USP16: variants seen among roughly 807,000 people sequenced by gnomAD.
USP16 encodes the protein ubiquitin specific peptidase 16.
Under a neutral mutation model 95.9 loss-of-function variants are expected in USP16, and 77 were observed. That is an observed-to-expected ratio of 0.80 (90% confidence interval 0.67 to 0.97). USP16 has a LOEUF of 0.97. USP16 is among the 50% of genes least tolerant of loss of function. The pLI is 0.00. For synonymous variants in USP16, 303 were observed against 318.2 expected, an observed-to-expected ratio of 0.95 and a Z score of 0.51; for missense variants, 943 against 959.9, an observed-to-expected ratio of 0.98 and a Z score of 0.23.
intron 13 of USP16, 119 bp from the exon 14 acceptor site, chr21:29,046,548 G>A (rs2085325502): frequency 1.1e-5 from 12 of 1,056,046 alleles, no homozygotes; most frequent in Non-Finnish European, 1.6e-5. Flanking sequence ...TGATTGACAA[G>A]CAGCAAAACT....
chr21:29,052,566 T>G (rs2085432047), intron 16 of USP16: 1 of 152,126 alleles, frequency 6.6e-6, no homozygotes, highest in Non-Finnish European at 1.5e-5. Flanking sequence ...CCATGACATG[T>G]GGGAATTGTG....
Position 29,042,047 on chromosome 21 carries a change from T to G in USP16, c.1065T>G (p.Val355=). Residue 355 remains valine, a synonymous_variant, in exon 11 of 18, where the codon GTT becomes GTG. Transcript: ENST00000399976. The part of the protein sequence containing the change: ...YEKKKSMPSF[V]DRIFGGELTS... ...AGAAAAAATCAATGCCAAGTTTTGTTGACCGCATCTTTGGTGGTGAACTAA... is the reference window on the plus strand; with the variant it reads ...AGAAAAAATCAATGCCAAGTTTTGTGGACCGCATCTTTGGTGGTGAACTAA... 6.2e-7 allele frequency: 1 copy of G among 1,613,452 alleles called. No homozygotes were observed. Among genetic ancestry groups the G allele is most frequent in the Non-Finnish European group, 8.5e-7 (1 of 1,179,644 alleles).
chr21:29,037,609 CAG>C (rs1326292265), intron 6 of USP16, 146 bp downstream of exon 6: 2 of 570,286 alleles, frequency 3.5e-6, no homozygotes, highest in Non-Finnish European at 5.2e-6. Flanking sequence ...TTTTTTGAGA[CAG>C]GGTCTCACTC....
chr21:29,053,307 G>A (rs982683326), intron 16 of USP16: 1 of 154,242 alleles, frequency 6.5e-6, no homozygotes, highest in African/African-American at 2.4e-5. Context: ...AGAATAAGCA[G>A]CGTGCACTCT....
intron 16 of USP16, 71 bp downstream of exon 16, chr21:29,050,249 C>G: frequency 7.4e-7 from 1 of 1,354,030 alleles, no homozygotes. Flanking sequence ...GCTCCAGTAG[C>G]AACTCACTTA....
intron 1 of USP16, chr21:29,025,825 A>G (rs1056801556): frequency 2.4e-5 from 15 of 634,844 alleles, no homozygotes; most frequent in South Asian, 1.4e-4. Flanking sequence ...AGGACCTGCT[A>G]TGTACTAACA....
rs199697183 is a variant in USP16 at position 29,053,942 on chromosome 21, C to T, written c.2334C>T (p.His778=). 35 of 1,614,184 alleles carry T rather than the reference C, an allele frequency of 2.2e-5. No individual in the cohort carries two copies. The highest frequency in any genetic ancestry group is 6.7e-5 in the East Asian group (3 of 44,888). Residue 778 remains histidine (H), a synonymous_variant, in exon 17 of 18, where the codon CAC becomes CAT. Coordinates refer to ENST00000399976, the MANE Select transcript of USP16 (RefSeq NM_006447.3). ...GTCATCTCTCTAATCTTGTTCTTCA[C>T]GGTGATATTCCACAAGGTAAGATGT... The part of the protein sequence containing the change: ...ANSHLSNLVL[H]GDIPQDFEME...
chr21:29,039,415 T>C lies in USP16; in HGVS notation c.864-66T>C, dbSNP rs1480349577. ...AGATTTGGGATATGATCCTAAGATT[T>C]TCTAAAAATAGCTTCAGAGCTTAGT... On this transcript the variant is annotated intron_variant, in intron 8 of 17. Coordinates refer to ENST00000399976, the MANE Select transcript of USP16 (RefSeq NM_006447.3). 5.9e-6 allele frequency: 9 copies of C among 1,532,404 alleles called. No individual in the cohort carries two copies. The African/African-American group carries it at 1.1e-4, about 19-fold the overall frequency. The allele number at this position is 1,532,404 out of a possible 1,614,324, so 94.9% of individuals were successfully genotyped here.
At chr21:29,030,416 C>T (rs2085060417) in intron 2 of USP16, among the ~76,000 whole-genome samples, 179 bp from the exon 3 acceptor site, 1 of 152,202 alleles carries the variant, frequency 6.6e-6, no homozygotes, top group African/African-American at 2.4e-5. Context: ...TGTCAAATCT[C>T]TTTCTCACAT....
rs1017273108 is a variant in USP16 at position 29,045,875 on chromosome 21, G to A, written c.1357-792G>A. On this transcript the variant is annotated intron_variant, in intron 13 of 17. Coordinates refer to ENST00000399976, the MANE Select transcript of USP16 (RefSeq NM_006447.3). ...GGCTGGAGTGCAGTGGTGTGGTCTCGGCTCACTGCAACCCCCACCTTCCAT... is the reference window on the plus strand; with the variant it reads ...GGCTGGAGTGCAGTGGTGTGGTCTCAGCTCACTGCAACCCCCACCTTCCAT... Among the ~76,000 whole-genome samples the A allele has an allele frequency of 8.6e-5, 13 of 151,662 alleles. 1 individual carries two copies. The highest frequency in any genetic ancestry group is 3.4e-3 in the Middle Eastern group (1 of 294).
chr21:29,032,666 G>A (rs915819725), intron 3 of USP16, among the ~76,000 whole-genome samples: 6 of 152,076 alleles, frequency 3.9e-5, no homozygotes, highest in South Asian at 4.1e-4. Context: ...TTTACCTGTC[G>A]AATGACAACA....
chr21:29,051,102 G>A (rs2085406663), intron 16 of USP16, among the ~76,000 whole-genome samples: 2 of 152,158 alleles, frequency 1.3e-5, no homozygotes, highest in African/African-American at 2.4e-5. Context: ...ATAAGTGGAT[G>A]CTGAGGGTGG....
At chr21:29,031,895 C>T (rs2085082466) in intron 3 of USP16, among the ~76,000 whole-genome samples, 2 of 152,286 alleles carry the variant, frequency 1.3e-5, no homozygotes, top group Middle Eastern at 3.4e-3. Flanking sequence ...ATATCACAAC[C>T]AGGATATTGA....
chr21:29,045,421 G>A (rs544367409), intron 13 of USP16, among the ~76,000 whole-genome samples: 48 of 152,256 alleles, frequency 3.2e-4, no homozygotes, highest in African/African-American at 1.1e-3. Flanking sequence ...ATTTTAAAGG[G>A]AAAAGTTCTT....
chr21:29,048,279 C>T (rs895845125), intron 14 of USP16, among the ~76,000 whole-genome samples: 1 of 152,034 alleles, frequency 6.6e-6, no homozygotes, highest in Non-Finnish European at 1.5e-5. Context: ...GATAGGGTTT[C>T]GCCACGTTGG....
Position 29,047,287 on chromosome 21 carries a change from G to C in USP16, c.1977G>C (p.Arg659=), listed in dbSNP as rs1380861765. Residue 659 remains arginine (R), a synonymous_variant, in exon 14 of 18, where the codon CGG becomes CGC. Transcript: ENST00000399976. ...ANKLLCEVCT[R]RQCNGPKANI... is the part of the protein sequence containing the mutation. ...AACTGCTTTGTGAAGTATGCACACGGAGACAGTGTAATGGACCAAAGGCAA... is the reference window on the plus strand; with the variant it reads ...AACTGCTTTGTGAAGTATGCACACGCAGACAGTGTAATGGACCAAAGGCAA... 1.2e-6 allele frequency: 2 copies of C among 1,613,466 alleles called. No homozygotes were observed. Among genetic ancestry groups the C allele is most frequent in the East Asian group, 2.2e-5 (1 of 44,874 alleles).
intron 14 of USP16, 49 bp downstream of exon 14, chr21:29,047,370 T>C (rs1172924491): frequency 1.3e-6 from 2 of 1,552,294 alleles, no homozygotes; most frequent in African/African-American, 1.4e-5. Context: ...AGGGGCACAT[T>C]TTGCACTGCA....
intron 3 of USP16, among the ~76,000 whole-genome samples, chr21:29,033,901 G>T (rs1358815940): frequency 6.6e-6 from 1 of 152,178 alleles, no homozygotes; most frequent in African/African-American, 2.4e-5. Context: ...GAGTGGGTGG[G>T]ATTTGGTTAG....
intron 1 of USP16, among the ~76,000 whole-genome samples, 169 bp from the exon 2 acceptor site, chr21:29,027,704 A>G (rs2085013430): frequency 6.6e-6 from 1 of 152,240 alleles, no homozygotes; most frequent in South Asian, 2.1e-4. Context: ...TAACTATTCT[A>G]TCTACTTGAG....
Sources: allele counts gnomAD v4.1 joint callset (sites outside exome capture counted in the v4.1 genomes callset), GRCh38; gene constraint gnomAD v4.1.1; transcripts MANE v1.5; gene names NCBI Gene and HGNC (gene_info 2026-07-23, HGNC 2026-07-21).